Variants in PAK5 observed in about 807,000 individuals in gnomAD.
The protein encoded by PAK5 is p21 (RAC1) activated kinase 5.
A neutral mutation model predicts 65.9 loss-of-function variants in PAK5; 16 were observed. The observed-to-expected ratio is 0.24, with a 90% CI of 0.16 to 0.37. The LOEUF (loss-of-function observed/expected upper bound fraction) is 0.37. PAK5 is among the 10% of genes least tolerant of loss of function. The pLI, the probability that PAK5 is intolerant of heterozygous loss-of-function variation, is 1.00. For synonymous variants in PAK5, 371 were observed against 354.9 expected (o/e 1.05, Z -0.51); for missense variants, 785 against 903.9 (o/e 0.87, Z 1.69).
chr20:9,610,254 G>A (rs1290848260), intron 3 of PAK5, among the ~76,000 whole-genome samples: 2 of 152,182 alleles, frequency 1.3e-5, no homozygotes, highest in Non-Finnish European at 2.9e-5. Context: ...ACTATGGAAG[G>A]CATCAAAGAA....
intron 1 of PAK5, among the ~76,000 whole-genome samples, chr20:9,786,119 C>T (rs1284116110): frequency 7.2e-5 from 11 of 152,096 alleles, no homozygotes; most frequent in Admixed American, 7.2e-4. Context: ...AGGATGAAGA[C>T]AGCAAAAAGC....
chr20:9,767,110 A>G (rs568070526), intron 1 of PAK5, among the ~76,000 whole-genome samples: 6 of 152,260 alleles, frequency 3.9e-5, no homozygotes, highest in East Asian at 1.9e-4. Flanking sequence ...CCACTGCACC[A>G]ATCTTGGGAC....
chr20:9,635,507 G>C (rs569811567), intron 3 of PAK5, among the ~76,000 whole-genome samples: 1 of 152,078 alleles, frequency 6.6e-6, no homozygotes, highest in South Asian at 2.1e-4. Flanking sequence ...CAGATGATCT[G>C]TTTTTCCTTT....
intron 9 of PAK5, among the ~76,000 whole-genome samples, chr20:9,540,530 G>A (rs2045244529): frequency 6.6e-6 from 1 of 151,996 alleles, no homozygotes; most frequent in Non-Finnish European, 1.5e-5. Context: ...ATTCATCTCC[G>A]ACGTGTGGCA....
chr20:9,785,486 C>A (rs867950229), intron 1 of PAK5, among the ~76,000 whole-genome samples: 11 of 152,282 alleles, frequency 7.2e-5, no homozygotes, highest in Middle Eastern at 3.4e-3. Context: ...TTCAAGTTAA[C>A]AAATTCTTTT....
rs138742424 is a variant in PAK5 at position 9,707,311 on chromosome 20, A to G, written c.-12+3975T>C. ...TTTATTTTTTGTAGAGATAGCATCT[A>G]TTTGCCCAGGCTGGTCTCAAACTCC... is the stretch of plus-strand genomic sequence containing the variant. On this transcript the variant is annotated intron_variant, in intron 2 of 9. Transcript: ENST00000353224. 1.3e-5 allele frequency among the ~76,000 whole-genome samples: 2 copies of G among 151,820 alleles called. 1 individual carries two copies. The highest frequency in any genetic ancestry group is 4.8e-5 in the African/African-American group (2 of 41,412).
intron 3 of PAK5, among the ~76,000 whole-genome samples, chr20:9,628,756 A>C (rs1459535453): frequency 6.6e-6 from 1 of 152,174 alleles, no homozygotes; most frequent in East Asian, 1.9e-4. Flanking sequence ...CCACCTGCAG[A>C]AATTTCCTAT....
In PAK5 at chr20:9,580,771, C is replaced by T; in HGVS notation, c.364G>A (p.Glu122Lys). ...ASSHGPGHAE[E>K]NGFITFSQYS... ...TGGGAGAAGGTGATGAAGCCATTTT[C>T]TTCCGCGTGGCCTGGACCGTGGCTG... is the stretch of plus-strand genomic sequence containing the variant. Residue 122 changes from glutamate to lysine, a missense_variant, in exon 4 of 10, where the codon GAA becomes AAA. Physicochemically the swap from Glu to Lys is moderately conservative, Grantham distance 56. Coordinates refer to ENST00000353224, the MANE Select transcript of PAK5 (RefSeq NM_177990.4). The T allele has an allele frequency of 6.2e-7, 1 of 1,614,066 alleles. No homozygotes were observed. Among genetic ancestry groups the T allele is most frequent in the Non-Finnish European group, 8.5e-7 (1 of 1,180,002 alleles).
At chr20:9,823,350 T>A (rs1370257271) in intron 1 of PAK5, among the ~76,000 whole-genome samples, 3 of 152,202 alleles carry the variant, frequency 2.0e-5, no homozygotes, top group Non-Finnish European at 4.4e-5. Context: ...GCAGCAGGAA[T>A]GGACTGACAG....
chr20:9,771,295 T>C (rs953570574), intron 1 of PAK5, among the ~76,000 whole-genome samples: 1 of 152,186 alleles, frequency 6.6e-6, no homozygotes, highest in Non-Finnish European at 1.5e-5. Context: ...AATTGACCTA[T>C]TATATGTCAA....
chr20:9,544,620 A>C, intron 7 of PAK5, 126 bp from the exon 8 acceptor site: 1 of 826,406 alleles, frequency 1.2e-6, no homozygotes, highest in Non-Finnish European at 2.0e-6. Flanking sequence ...TGGACATATC[A>C]GAGGAGGGAC....
chr20:9,789,411 G>A (rs2049026205), intron 1 of PAK5, among the ~76,000 whole-genome samples: 1 of 152,020 alleles, frequency 6.6e-6, no homozygotes, highest in Non-Finnish European at 1.5e-5. Flanking sequence ...GCTCTTCAAG[G>A]TGTCAGCATT....
At chr20:9,746,488 C>G (rs948699072) in intron 1 of PAK5, among the ~76,000 whole-genome samples, 6 of 152,214 alleles carry the variant, frequency 3.9e-5, no homozygotes, top group African/African-American at 9.6e-5. Flanking sequence ...AAGTGTATGG[C>G]TCAATGAATA....
At chr20:9,834,051 C>T (rs1339042842) in intron 1 of PAK5, among the ~76,000 whole-genome samples, 1 of 152,076 alleles carries the variant, frequency 6.6e-6, no homozygotes, top group Non-Finnish European at 1.5e-5. Context: ...GTACTAGTTC[C>T]TTTAGGCTTT....
intron 2 of PAK5, among the ~76,000 whole-genome samples, chr20:9,653,216 T>G (rs1452318422): frequency 6.6e-6 from 1 of 152,232 alleles, no homozygotes; most frequent in Non-Finnish European, 1.5e-5. Flanking sequence ...GAGAAAATCA[T>G]GGGTTTTAGA....
chr20:9,746,636 A>C (rs562402036), intron 1 of PAK5, among the ~76,000 whole-genome samples: 11 of 152,274 alleles, frequency 7.2e-5, no homozygotes. Context: ...CATTAGCCAC[A>C]GTGTTATGAG....
At chr20:9,784,304 A>G (rs931122200) in intron 1 of PAK5, 2 of 152,198 alleles carry the variant, frequency 1.3e-5, no homozygotes, top group African/African-American at 2.4e-5. Flanking sequence ...GAAGATGTCA[A>G]ATGAATTCCA....
chr20:9,837,921 T>C lies in PAK5; in HGVS notation c.-162+841A>G, dbSNP rs979361154. ...GCCTCAGCGTTTCAGGTTCCCTTAATTGATATCTAATGTTGACAAATTAAC... is the reference window on the plus strand; with the variant it reads ...GCCTCAGCGTTTCAGGTTCCCTTAACTGATATCTAATGTTGACAAATTAAC... On this transcript the variant is annotated intron_variant, in intron 1 of 9. Coordinates refer to ENST00000353224, the MANE Select transcript of PAK5 (RefSeq NM_177990.4). 3.9e-5 allele frequency among the ~76,000 whole-genome samples: 6 copies of C among 152,194 alleles called. No individual in the cohort carries two copies. The East Asian group carries it at 1.2e-3, about 29-fold the overall frequency.
chr20:9,560,838 C>G (rs1046095429), intron 6 of PAK5, among the ~76,000 whole-genome samples: 1 of 152,090 alleles, frequency 6.6e-6, no homozygotes, highest in Non-Finnish European at 1.5e-5. Context: ...AAGGATCTGA[C>G]GTAACAAGAT....
Sources: allele counts gnomAD v4.1 joint callset (sites outside exome capture counted in the v4.1 genomes callset), GRCh38; gene constraint gnomAD v4.1.1; transcripts MANE v1.5; gene names NCBI Gene and HGNC (gene_info 2026-07-23, HGNC 2026-07-21).